Variants in CACNA1C observed in about 807,000 individuals in gnomAD.
CACNA1C encodes the protein voltage-dependent L-type calcium channel subunit alpha-1C.
In CACNA1C, 30 loss-of-function variants were observed where a neutral mutation model predicts 229.0. The observed-to-expected ratio is 0.13, with a 90% CI of 0.10 to 0.18. CACNA1C has a LOEUF of 0.18. Among genes scored for constraint, CACNA1C ranks in the 10% least tolerant of loss-of-function variants. The probability of loss-of-function intolerance (pLI) is 1.00; values close to 1 mark genes in which losing one functional copy is unlikely to be tolerated. For synonymous variants in CACNA1C, 1,114 were observed against 1,132.5 expected (o/e 0.98, Z 0.33); for missense variants, 1,658 against 2,845.0 (o/e 0.58, Z 9.49).
intron 3 of CACNA1C, among the ~76,000 whole-genome samples, chr12:2,173,784 G>A (rs181645430): frequency 9.9e-5 from 15 of 152,108 alleles, no homozygotes; most frequent in Admixed American, 5.9e-4. Flanking sequence ...TCAGTAAAAC[G>A]GGGCTAACTA....
rs147841734 is a variant in CACNA1C at position 2,123,716 on chromosome 12, C to G, written c.477+3286C>G. On this transcript the variant is annotated intron_variant, in intron 3 of 46. Transcript: ENST00000399655. ...GAACCATCTCTGACATCTTCTTCCC[C>G]TTGCCATGCCCATCTGAGCAGGAAT... Among the ~76,000 whole-genome samples, 645 of 152,302 alleles carry G rather than the reference C, an allele frequency of 4.2e-3. 2 individuals are homozygous for G. Among genetic ancestry groups the G allele is most frequent in the African/African-American group, 0.015 (606 of 41,562 alleles).
At chr12:2,422,406 C>G (rs148732718) in intron 3 of CACNA1C, among the ~76,000 whole-genome samples, 38 of 152,202 alleles carry the variant, frequency 2.5e-4, no homozygotes, top group Non-Finnish European at 3.7e-4. Context: ...ATAGAGTTTC[C>G]CTTCTTTCCC....
At chr12:2,395,112 C>G (rs2098547890) in intron 3 of CACNA1C, among the ~76,000 whole-genome samples, 3 of 152,044 alleles carry the variant, frequency 2.0e-5, no homozygotes, top group Non-Finnish European at 4.4e-5. Flanking sequence ...CTCGACCTCC[C>G]AGGCTCAAAT....
At chr12:2,367,729 A>C (rs1472870581) in intron 3 of CACNA1C, among the ~76,000 whole-genome samples, 1 of 152,194 alleles carries the variant, frequency 6.6e-6, no homozygotes, top group Non-Finnish European at 1.5e-5. Flanking sequence ...AAGAGCAAAA[A>C]TTAATAAGGA....
rs560251391 is a variant in CACNA1C, at chr12:2,694,225, A to G, written c.*3026A>G. On this transcript the variant is annotated 3_prime_UTR_variant, in exon 47 of 47. Transcript: ENST00000399655. ...ATGCCTGTCATCAGAACAGACTGGC[A>G]CAAGTAGTGACATCAATGAACCACA... 3.3e-5 allele frequency: 5 copies of G among 152,380 alleles called. No homozygotes were observed. The highest frequency in any genetic ancestry group is 2.0e-4 in the Admixed American group (3 of 15,308). The allele number at this position is 152,380 out of a possible 1,614,324, so 9.4% of individuals were successfully genotyped here.
chr12:2,127,201 GTGCTGGGT>G (rs2090449441), intron 3 of CACNA1C, among the ~76,000 whole-genome samples: 1 of 152,126 alleles, frequency 6.6e-6, no homozygotes, highest in South Asian at 2.1e-4. Flanking sequence ...TTCCCACACA[GTGCTGGGT>G]TGAATCACCC....
At chr12:2,191,945 CAT>C (rs571210102) in intron 3 of CACNA1C, among the ~76,000 whole-genome samples, 15 of 152,212 alleles carry the variant, frequency 9.9e-5, no homozygotes, top group East Asian at 7.7e-4. Flanking sequence ...CATGGACACT[CAT>C]ACACGCACAC....
At chr12:2,193,912 TCTTA>T (rs2097317122) in intron 3 of CACNA1C, among the ~76,000 whole-genome samples, 2 of 152,284 alleles carry the variant, frequency 1.3e-5, no homozygotes, top group African/African-American at 4.8e-5. Flanking sequence ...CTTCTGTGCT[TCTTA>T]CTTATCTTCC....
chr12:2,548,040 A>G (rs1274848226), intron 9 of CACNA1C, among the ~76,000 whole-genome samples: 1 of 152,134 alleles, frequency 6.6e-6, no homozygotes, highest in Non-Finnish European at 1.5e-5. Context: ...GGATGTCTGG[A>G]GGGTAGAGAG....
intron 2 of CACNA1C, 143 bp downstream of exon 2, chr12:2,115,688 G>T: frequency 4.0e-6 from 3 of 741,604 alleles, no homozygotes; most frequent in Non-Finnish European, 6.7e-6. Context: ...CATCACTGGG[G>T]TGCTGTGAAA....
chr12:2,266,351 A>G (rs2082391999), intron 3 of CACNA1C, among the ~76,000 whole-genome samples: 1 of 152,218 alleles, frequency 6.6e-6, no homozygotes, highest in Admixed American at 6.5e-5. Flanking sequence ...GAAATAATTA[A>G]GCTGAGCATA....
intron 34 of CACNA1C, among the ~76,000 whole-genome samples, chr12:2,658,960 A>G (rs2095565526): frequency 6.6e-6 from 1 of 151,272 alleles, no homozygotes; most frequent in Non-Finnish European, 1.5e-5. Context: ...GTTATTACAA[A>G]AGAGTCCAAA....
At chr12:2,127,563 A>G (rs551389573) in intron 3 of CACNA1C, among the ~76,000 whole-genome samples, 1 of 152,348 alleles carries the variant, frequency 6.6e-6, no homozygotes, top group East Asian at 1.9e-4. Flanking sequence ...CTACTGTATC[A>G]TGTACAAACA....
Position 2,054,684 on chromosome 12 carries a change from G to A in CACNA1C, c.49+1073G>A, listed in dbSNP as rs2053956553. The stretch of plus-strand genomic sequence containing the variant: ...AGCGGGGCTTTCTGGCAACCTCCAG[G>A]CATGACATCTCTTTCTTCTCGCCAC... On this transcript the variant is annotated intron_variant, in intron 1 of 46. Transcript: ENST00000399655. The surrounding 1 kb of genome is among the most constrained non-coding windows in gnomAD (Gnocchi z 5.5). 6.6e-6 allele frequency among the ~76,000 whole-genome samples: 1 copy of A among 152,198 alleles called. No homozygotes were observed. Among genetic ancestry groups the A allele is most frequent in the African/African-American group, 2.4e-5 (1 of 41,446 alleles).
chr12:2,567,654 G>A lies in CACNA1C; in HGVS notation c.1755G>A (p.Val585=). 1 of 1,613,396 alleles carries A rather than the reference G, an allele frequency of 6.2e-7. No individual in the cohort carries two copies. The highest frequency in any genetic ancestry group is 1.1e-5 in the South Asian group (1 of 90,830). ...GCCTGGGCCTGCAGGCCTACTTCGT[G>A]TCCCTCTTCAACCGCTTTGACTGCT... ...MYSLGLQAYF[V]SLFNRFDCFV... Residue 585 remains valine, a synonymous_variant, in exon 13 of 47, where the codon GTG becomes GTA. Coordinates refer to ENST00000399655, the MANE Select transcript of CACNA1C (RefSeq NM_000719.7).
intron 3 of CACNA1C, among the ~76,000 whole-genome samples, chr12:2,378,188 G>A (rs1353085793): frequency 6.6e-6 from 1 of 152,126 alleles, no homozygotes; most frequent in Non-Finnish European, 1.5e-5. Flanking sequence ...GTAAATACTT[G>A]GGAATTAGTG....
intron 1 of CACNA1C, among the ~76,000 whole-genome samples, chr12:2,080,565 C>T (rs1410885597): frequency 6.7e-6 from 1 of 149,496 alleles, no homozygotes; most frequent in Non-Finnish European, 1.5e-5. Flanking sequence ...CGCGCCACTG[C>T]ACTCCAGCAT....
chr12:2,123,465 T>G (rs144449711), intron 3 of CACNA1C, among the ~76,000 whole-genome samples: 144 of 149,910 alleles, frequency 9.6e-4, no homozygotes, highest in African/African-American at 3.4e-3. Flanking sequence ...GCTTGTAAAA[T>G]GGAAGTGACC....
At chr12:2,317,231 TCA>T (rs2095741606) in intron 3 of CACNA1C, among the ~76,000 whole-genome samples, 1 of 152,184 alleles carries the variant, frequency 6.6e-6, no homozygotes, top group Non-Finnish European at 1.5e-5. Context: ...GTAGCATCAC[TCA>T]CAAAAGCCAA....
Sources: gnomAD v4.1 joint callset for allele counts (sites outside exome capture counted in the v4.1 genomes callset) on GRCh38, gnomAD v4.1.1 for gene constraint, Gnocchi (gnomAD v3.1) non-coding constraint, MANE v1.5 for transcripts, NCBI Gene and HGNC (gene_info 2026-07-23, HGNC 2026-07-21) for gene names.